The following TMEM135 variants were observed in gnomAD, a reference collection of about 807,000 sequenced individuals.
TMEM135 encodes the protein transmembrane protein 135.
TMEM135 carries 30 observed loss-of-function variants against 60.3 expected under a neutral mutation model. The ratio of observed to expected loss-of-function variants is 0.50; its 90% confidence interval spans 0.37 to 0.68. TMEM135 has a LOEUF of 0.68. Among genes scored for constraint, TMEM135 ranks in the 30% least tolerant of loss-of-function variants. The probability of loss-of-function intolerance (pLI) is 0.00; values close to 1 mark genes in which losing one functional copy is unlikely to be tolerated. For synonymous variants in TMEM135, 190 were observed against 186.7 expected, an observed-to-expected ratio of 1.02 and a Z score of -0.14; for missense variants, 468 against 548.8, an observed-to-expected ratio of 0.85 and a Z score of 1.47.
intron 4 of TMEM135, among the ~76,000 whole-genome samples, chr11:87,135,251 G>A (rs921376941): frequency 1.3e-5 from 2 of 151,294 alleles, no homozygotes; most frequent in African/African-American, 2.4e-5. Flanking sequence ...AATCTAATTT[G>A]TGAATTTTTT....
intron 6 of TMEM135, among the ~76,000 whole-genome samples, chr11:87,272,097 A>C (rs1941878511): frequency 7.8e-6 from 1 of 128,816 alleles, no homozygotes; most frequent in African/African-American, 3.0e-5. Context: ...TCTGTCACCC[A>C]GGCTGGAGTG....
chr11:87,113,108 C>A (rs1390912168), intron 4 of TMEM135, among the ~76,000 whole-genome samples: 1 of 152,030 alleles, frequency 6.6e-6, no homozygotes, highest in African/African-American at 2.4e-5. Context: ...CTAAGGCATG[C>A]CCTTTGTATC....
rs1442526330 is a variant in TMEM135, at chr11:87,164,630, A to T, written c.462+7224A>T. Among the ~76,000 whole-genome samples, 2 of 97,690 alleles carry T rather than the reference A, an allele frequency of 2.0e-5. 1 individual carries two copies. The highest frequency in any genetic ancestry group is 3.8e-5 in the Non-Finnish European group (2 of 52,390). 64.1% of individuals were successfully genotyped at this position (97,690 alleles called of 152,430 possible). A position where few individuals can be genotyped will look rare whatever the true frequency, so the allele number is the denominator to read the frequency against. On this transcript the variant is annotated intron_variant, in intron 5 of 14. Transcript: ENST00000305494. ...ATTGAATCTGTAAATTACCTTGGGCAGTATGGCCGTTTTCACGATATTGAT... is the reference window on the plus strand; with the variant it reads ...ATTGAATCTGTAAATTACCTTGGGCTGTATGGCCGTTTTCACGATATTGAT...
intron 5 of TMEM135, among the ~76,000 whole-genome samples, chr11:87,192,419 A>G (rs117540173): frequency 0.021 from 3,262 of 152,200 alleles, 57 homozygotes; most frequent in South Asian, 0.055. Flanking sequence ...CTGTAAGTCA[A>G]TAGGAATAAA....
At chr11:87,094,105 C>G (rs1051991865) in intron 4 of TMEM135, among the ~76,000 whole-genome samples, 2 of 151,920 alleles carry the variant, frequency 1.3e-5, no homozygotes, top group African/African-American at 4.8e-5. Flanking sequence ...CAAGGAATTT[C>G]CATCGTGATC....
chr11:87,297,080 C>G (rs1408640299), intron 7 of TMEM135, among the ~76,000 whole-genome samples: 1 of 151,902 alleles, frequency 6.6e-6, no homozygotes, highest in Admixed American at 6.6e-5. Context: ...ATTTGAGACA[C>G]TGAAAAAGAG....
intron 6 of TMEM135, among the ~76,000 whole-genome samples, chr11:87,292,152 C>T (rs527877506): frequency 2.0e-5 from 3 of 152,324 alleles, no homozygotes; most frequent in South Asian, 2.1e-4. Flanking sequence ...TTTTACCTCT[C>T]GGAGAGGCTC....
At chr11:87,310,285 C>G (rs1311349549) in intron 10 of TMEM135, among the ~76,000 whole-genome samples, 1 of 152,116 alleles carries the variant, frequency 6.6e-6, no homozygotes, top group Admixed American at 6.6e-5. Context: ...AGAGATCATT[C>G]TTAACCTAGT....
intron 4 of TMEM135, among the ~76,000 whole-genome samples, chr11:87,108,221 A>G (rs542222436): frequency 6.6e-6 from 1 of 152,302 alleles, no homozygotes; most frequent in South Asian, 2.1e-4. Flanking sequence ...TTGCCTGTTC[A>G]CTATGATGAT....
intron 4 of TMEM135, among the ~76,000 whole-genome samples, chr11:87,133,600 A>T (rs187508483): frequency 1.0e-3 from 159 of 152,310 alleles, no homozygotes; most frequent in Non-Finnish European, 1.4e-3. Flanking sequence ...ACATTTTGAC[A>T]TACATATATA....
intron 4 of TMEM135, among the ~76,000 whole-genome samples, chr11:87,153,419 G>A (rs1419664841): frequency 2.6e-5 from 4 of 152,064 alleles, no homozygotes; most frequent in Non-Finnish European, 5.9e-5. Flanking sequence ...AGGGGGTTTT[G>A]GCAAATAGTA....
At chr11:87,148,788 A>C (rs1195397991) in intron 4 of TMEM135, among the ~76,000 whole-genome samples, 3 of 152,158 alleles carry the variant, frequency 2.0e-5, no homozygotes, top group Non-Finnish European at 2.9e-5. Context: ...TCTTAATAAA[A>C]ATTTCTGAGA....
intron 6 of TMEM135, among the ~76,000 whole-genome samples, chr11:87,238,327 T>C (rs572253): frequency 0.089 from 13,467 of 152,044 alleles, 761 homozygotes; most frequent in South Asian, 0.16. Context: ...TTTAAAAATG[T>C]CATATGCAAA....
chr11:87,278,497 C>T (rs1942005606), intron 6 of TMEM135, among the ~76,000 whole-genome samples: 1 of 151,732 alleles, frequency 6.6e-6, no homozygotes, highest in Non-Finnish European at 1.5e-5. Flanking sequence ...TCCCTATTAG[C>T]TGGGATTACA....
chr11:87,195,152 C>T (rs762550365), intron 5 of TMEM135, among the ~76,000 whole-genome samples: 7 of 152,074 alleles, frequency 4.6e-5, no homozygotes, highest in Non-Finnish European at 1.0e-4. Flanking sequence ...TGCAAGACAT[C>T]GAATGCAAAT....
chr11:87,192,778 T>C (rs1467657058), intron 5 of TMEM135, among the ~76,000 whole-genome samples: 1 of 152,206 alleles, frequency 6.6e-6, no homozygotes, highest in Non-Finnish European at 1.5e-5. Context: ...TTTATAAGAA[T>C]GTGATTGTAT....
At chr11:87,084,782 C>T (rs572804465) in intron 3 of TMEM135, among the ~76,000 whole-genome samples, 232 of 152,280 alleles carry the variant, frequency 1.5e-3, no homozygotes, top group African/African-American at 5.4e-3. Context: ...CTTTCCCAGC[C>T]TTCTAATCTA....
At chr11:87,122,867 A>G (rs676384) in intron 4 of TMEM135, among the ~76,000 whole-genome samples, 52,839 of 152,012 alleles carry the variant, frequency 0.35, 9,596 homozygotes, top group East Asian at 0.62. Flanking sequence ...TCTCTCAGGT[A>G]TTAATTCCTC....
At chr11:87,179,048 T>A (rs1043915074) in intron 5 of TMEM135, among the ~76,000 whole-genome samples, 4 of 152,216 alleles carry the variant, frequency 2.6e-5, no homozygotes, top group African/African-American at 9.7e-5. Flanking sequence ...TTTGGTATGA[T>A]CAGACTATTT....
Sources: allele counts gnomAD v4.1 joint callset (sites outside exome capture counted in the v4.1 genomes callset), GRCh38; gene constraint gnomAD v4.1.1; transcripts MANE v1.5; gene names NCBI Gene and HGNC (gene_info 2026-07-23, HGNC 2026-07-21).